The following ITGB2 variants were observed in gnomAD, a reference collection of about 807,000 sequenced individuals.
ITGB2 encodes integrin subunit beta 2, also known as integrin beta-2.
In ITGB2, 56 loss-of-function variants were observed where a neutral mutation model predicts 86.8. The observed-to-expected ratio is 0.65, with a 90% confidence interval of 0.52 to 0.81. ITGB2 has a LOEUF of 0.81. Ranked by LOEUF, ITGB2 falls within the 30% of genes least tolerant of loss-of-function variation. The pLI, the probability that ITGB2 is intolerant of heterozygous loss-of-function variation, is 0.00. For missense variants in ITGB2, 948 were observed against 1,061.2 expected (o/e 0.89, Z 1.48); for synonymous variants, 457 against 450.4 (o/e 1.01, Z -0.19).
At chr21:44,892,604 CAAAAA>C (rs11327948) in intron 10 of ITGB2, among the ~76,000 whole-genome samples, 32 of 71,144 alleles carry the variant, frequency 4.5e-4, no homozygotes, top group African/African-American at 1.6e-3. Flanking sequence ...AACTCCATCT[CAAAAA>C]AAAAAAAAAA....
At chr21:44,918,227 G>A (rs2084240071) in intron 1 of ITGB2, among the ~76,000 whole-genome samples, 1 of 152,372 alleles carries the variant, frequency 6.6e-6, no homozygotes, top group Non-Finnish European at 1.5e-5. Context: ...GGGAACGGGA[G>A]CCAGCCTCCG....
chr21:44,886,961 C>G, intron 14 of ITGB2, 59 bp from the exon 15 acceptor site: 2 of 1,597,218 alleles, frequency 1.3e-6, no homozygotes, highest in South Asian at 2.2e-5. Flanking sequence ...GAGCCGTGTG[C>G]CCACAGGTCC....
chr21:44,887,675 C>A (rs535026423), intron 14 of ITGB2, among the ~76,000 whole-genome samples: 1 of 152,326 alleles, frequency 6.6e-6, no homozygotes, highest in African/African-American at 2.4e-5. Flanking sequence ...GGGGGACCTG[C>A]CTTCCTTCAC....
In ITGB2 at chr21:44,890,125, TGGA is replaced by T; in HGVS notation, c.1507_1509del (p.Ser503del). 6.2e-7 allele frequency: 1 copy of T among 1,613,420 alleles called. No homozygotes were observed. On this transcript the variant is annotated inframe_deletion, in exon 12 of 16. Coordinates refer to ENST00000652462, the MANE Select transcript of ITGB2 (RefSeq NM_000211.5). The stretch of plus-strand genomic sequence containing the variant: ...CAGTCCCCCAGCCCTGAGCAGATGA[TGGA>T]GTTGTTGTCCTTCCGGCAGCTTCCT...
intron 5 of ITGB2, among the ~76,000 whole-genome samples, chr21:44,902,689 A>G (rs1325271294): frequency 6.6e-6 from 1 of 150,816 alleles, no homozygotes; most frequent in Non-Finnish European, 1.5e-5. Context: ...GCGTTTGAGC[A>G]TGCATTTGTG....
rs773262146 is a variant in ITGB2, at chr21:44,886,736, A to G, written c.2247T>C (p.Asn749=). 8 of 1,613,906 alleles carry G rather than the reference A, an allele frequency of 5.0e-6. No individual in the cohort carries two copies. Among genetic ancestry groups the G allele is most frequent in the Non-Finnish European group, 6.8e-6 (8 of 1,179,994 alleles). Reference sequence around the variant, plus strand: ...GGGACCCCCAAGGACGGCCACTTACATTGTTCCACTGGGACTTGAGCTTCT... The same window carrying G: ...GGGACCCCCAAGGACGGCCACTTACGTTGTTCCACTGGGACTTGAGCTTCT... ...EKEKLKSQWN[N]DNPLFKSATT... Residue 749 remains asparagine (N), a splice_region_variant and synonymous_variant, in exon 15 of 16, where the codon AAT becomes AAC. Transcript: ENST00000652462.
intron 4 of ITGB2, 102 bp downstream of exon 4, chr21:44,906,813 C>T: frequency 7.8e-7 from 1 of 1,282,206 alleles, no homozygotes; most frequent in African/African-American, 1.5e-5. Context: ...CGGACACATG[C>T]CTTCTGGGCA....
chr21:44,905,910 A>G (rs2084035365), intron 4 of ITGB2, among the ~76,000 whole-genome samples: 1 of 152,086 alleles, frequency 6.6e-6, no homozygotes, highest in South Asian at 2.1e-4. Context: ...GCTTCCCCTG[A>G]GGGCAGAGCT....
At chr21:44,888,988 C>T (rs1008049887) in intron 13 of ITGB2, 93 bp from the exon 14 acceptor site, 6 of 1,174,564 alleles carry the variant, frequency 5.1e-6, no homozygotes, top group Non-Finnish European at 7.3e-6. Flanking sequence ...CCAGGGGGGG[C>T]AGGTGGGGTT....
rs780189325 is a variant in ITGB2 at position 44,886,449 on chromosome 21, A to G, written c.2248-19T>C. The G allele has an allele frequency of 5.6e-6, 9 of 1,613,488 alleles. No homozygotes were observed. Among genetic ancestry groups the G allele is most frequent in the Admixed American group, 1.7e-5 (1 of 60,006 alleles). ...GATTATCCTGGTGGGAAATGCAAAC[A>G]GGGGCTTGTGAGTGTGGGAGGTTTT... is the stretch of plus-strand genomic sequence containing the variant. On this transcript the variant is annotated intron_variant, in intron 15 of 15. Coordinates refer to ENST00000652462, the MANE Select transcript of ITGB2 (RefSeq NM_000211.5).
At chr21:44,887,824 G>C (rs1424039320) in intron 14 of ITGB2, among the ~76,000 whole-genome samples, 1 of 152,224 alleles carries the variant, frequency 6.6e-6, no homozygotes, top group Non-Finnish European at 1.5e-5. Flanking sequence ...TGGGTTGTGA[G>C]CTCCAGGCAT....
rs2084122784 is a variant in ITGB2 at position 44,910,959 on chromosome 21, G to A, written c.-3-174C>T. The A allele has an allele frequency of 2.5e-5, 16 of 642,010 alleles. No homozygotes were observed. In the East Asian group the frequency reaches 4.4e-4, roughly 18 times the overall value. 39.8% of individuals were successfully genotyped at this position (642,010 alleles called of 1,614,324 possible). A position where few individuals can be genotyped will look rare whatever the true frequency, so the allele number is the denominator to read the frequency against. ...CACTGGGCCCAGCTGCCAACAGCCA[G>A]GGAGGGAGGGATCCCGGGCTCAGCA... On this transcript the variant is annotated intron_variant, in intron 1 of 15. Transcript: ENST00000652462.
chr21:44,887,711 G>A (rs1194850030), intron 14 of ITGB2, among the ~76,000 whole-genome samples: 2 of 152,152 alleles, frequency 1.3e-5, no homozygotes, highest in African/African-American at 4.8e-5. Flanking sequence ...AAGTGACTTG[G>A]CCAGGATTGC....
Position 44,903,507 on chromosome 21 carries a change from G to T in ITGB2, c.357C>A (p.Phe119Leu), listed in dbSNP as rs764668048. 1 of 1,614,118 alleles carries T rather than the reference G, an allele frequency of 6.2e-7. No individual in the cohort carries two copies. Among genetic ancestry groups the T allele is most frequent in the Non-Finnish European group, 8.5e-7 (1 of 1,179,974 alleles). ...CGATGGGGTAGCCCTTGGCCCGCCG[G>T]AAGGTCACGTTGAACGCTGCTGCCT... ...PGQAAAFNVT[F>L]RRAKGYPIDL... The change falls in exon 5 of 16, where the codon TTC becomes TTA. Residue 119 changes from phenylalanine (F) to leucine (L), a missense_variant. By Grantham distance (22) the Phe-to-Leu change is conservative. Transcript: ENST00000652462.
At chr21:44,916,074 C>T (rs945410007) in intron 1 of ITGB2, among the ~76,000 whole-genome samples, 1 of 152,090 alleles carries the variant, frequency 6.6e-6, no homozygotes, top group Non-Finnish European at 1.5e-5. Flanking sequence ...AGGTGCACAC[C>T]ACTAGGCCCA....
intron 15 of ITGB2, 53 bp from the exon 16 acceptor site, chr21:44,886,483 A>T: frequency 6.3e-7 from 1 of 1,578,222 alleles, no homozygotes; most frequent in Non-Finnish European, 8.7e-7. Flanking sequence ...TTCAGAGCAG[A>T]ATCTTTCTCC....
At position 44,894,426 on chromosome 21, in the gene ITGB2, G is replaced by A. The variant is rs1000305404; in HGVS notation, c.1083+545C>T. 9 of 189,532 alleles carry A rather than the reference G, an allele frequency of 4.7e-5. No homozygotes were observed. The East Asian group carries it at 5.0e-4, about 10-fold the overall frequency. 11.7% of individuals were successfully genotyped at this position (189,532 alleles called of 1,614,324 possible). ...TGGGGCCCTGAATGGCACCTAGTGCGCACCTATGCCTACCTATGCCCACCA... is the reference window on the plus strand; with the variant it reads ...TGGGGCCCTGAATGGCACCTAGTGCACACCTATGCCTACCTATGCCCACCA... On this transcript the variant is annotated intron_variant, in intron 9 of 15. Coordinates refer to ENST00000652462, the MANE Select transcript of ITGB2 (RefSeq NM_000211.5).
At chr21:44,905,400 C>T (rs903915354) in intron 4 of ITGB2, among the ~76,000 whole-genome samples, 1 of 152,120 alleles carries the variant, frequency 6.6e-6, no homozygotes, top group Admixed American at 6.5e-5. Flanking sequence ...CATGCCAGGC[C>T]GTGGGCAGCC....
chr21:44,888,132 G>A lies in ITGB2; in HGVS notation c.2080+561C>T, dbSNP rs185713629. Among the ~76,000 whole-genome samples, 47 of 145,846 alleles carry A rather than the reference G, an allele frequency of 3.2e-4. No individual in the cohort carries two copies. The East Asian group carries it at 4.9e-3, about 15-fold the overall frequency. ...TCACTGTGGGGCTGGGACTGGTTCCGACTGGAGCCGAATGAGACAGGGTCA... is the reference window on the plus strand; with the variant it reads ...TCACTGTGGGGCTGGGACTGGTTCCAACTGGAGCCGAATGAGACAGGGTCA... On this transcript the variant is annotated intron_variant, in intron 14 of 15. Transcript: ENST00000652462.
Sources: gnomAD v4.1 joint callset for allele counts (sites outside exome capture counted in the v4.1 genomes callset) on GRCh38, gnomAD v4.1.1 for gene constraint, MANE v1.5 for transcripts, NCBI Gene and HGNC (gene_info 2026-07-23, HGNC 2026-07-21) for gene names.